ARMH1: variants seen among roughly 807,000 people sequenced by gnomAD.
ARMH1 encodes armadillo-like helical domain containing protein 1.
In ARMH1, 34 loss-of-function variants were observed where a neutral mutation model predicts 50.2. That is an observed-to-expected ratio of 0.68 (90% CI 0.51 to 0.90). ARMH1 has a LOEUF of 0.90. Among genes scored for constraint, ARMH1 ranks in the 40% least tolerant of loss-of-function variants. The probability of loss-of-function intolerance (pLI) is 0.00; values close to 1 mark genes in which losing one functional copy is unlikely to be tolerated. For synonymous variants in ARMH1, 221 were observed against 224.2 expected, an observed-to-expected ratio of 0.99 and a Z score of 0.13; for missense variants, 538 against 553.9, an observed-to-expected ratio of 0.97 and a Z score of 0.29.
chr1:44,676,076 G>A (rs1645130840), intron 1 of ARMH1, among the ~76,000 whole-genome samples: 1 of 152,194 alleles, frequency 6.6e-6, no homozygotes. Flanking sequence ...GCATGGAGTG[G>A]CAGCTGAAAT....
At chr1:44,707,328 C>T (rs142484492) in intron 6 of ARMH1, among the ~76,000 whole-genome samples, 89 of 152,292 alleles carry the variant, frequency 5.8e-4, no homozygotes, top group African/African-American at 2.1e-3. Context: ...CCTTTCTCCT[C>T]CAGACCTCTG....
chr1:44,696,459 T>G (rs1645832498), intron 2 of ARMH1, among the ~76,000 whole-genome samples: 1 of 152,260 alleles, frequency 6.6e-6, no homozygotes, highest in African/African-American at 2.4e-5. Flanking sequence ...CTGTTGTGGC[T>G]TGATTTCATA....
chr1:44,719,469 G>T (rs1221013560), intron 6 of ARMH1, among the ~76,000 whole-genome samples: 2 of 152,206 alleles, frequency 1.3e-5, no homozygotes, highest in Non-Finnish European at 2.9e-5. Context: ...GAGTGGAGAA[G>T]TCAGCTCCCC....
chr1:44,681,320 T>C lies in ARMH1; in HGVS notation c.-23+6447T>C, dbSNP rs535967155. On this transcript the variant is annotated intron_variant, in intron 1 of 11. Coordinates refer to ENST00000535358, the MANE Select transcript of ARMH1 (RefSeq NM_001145636.2). The surrounding 1 kb of genome is among the most constrained non-coding windows in gnomAD (Gnocchi z 4.3). ...GTGAGGCTCCATTTCTAAAAAATTT[T>C]TTTAAGTTAGCCAGGCATGGTGGTG... 6.6e-6 allele frequency among the ~76,000 whole-genome samples: 1 copy of C among 152,182 alleles called. No homozygotes were observed. The highest frequency in any genetic ancestry group is 1.5e-5 in the Non-Finnish European group (1 of 68,010).
intron 3 of ARMH1, 48 bp downstream of exon 3, chr1:44,697,218 G>A (rs775559647): frequency 5.9e-5 from 84 of 1,431,780 alleles, no homozygotes; most frequent in Non-Finnish European, 7.2e-5. Flanking sequence ...GGCATCTCAG[G>A]CTCATGATGT....
intron 2 of ARMH1, among the ~76,000 whole-genome samples, chr1:44,694,540 C>T (rs1645763575): frequency 7.2e-6 from 1 of 139,002 alleles, no homozygotes; most frequent in Admixed American, 7.6e-5. Flanking sequence ...GACAGAGTCT[C>T]ACTCTATTGC....
At chr1:44,695,870 A>C (rs939593981) in intron 2 of ARMH1, among the ~76,000 whole-genome samples, 6 of 151,764 alleles carry the variant, frequency 4.0e-5, no homozygotes, top group Admixed American at 3.9e-4. Context: ...GCTTGAGCCC[A>C]GGAGTTCAAG....
intron 6 of ARMH1, among the ~76,000 whole-genome samples, chr1:44,711,263 C>G (rs890007554): frequency 5.9e-5 from 9 of 152,102 alleles, no homozygotes; most frequent in Non-Finnish European, 1.3e-4. Flanking sequence ...GTTGAGGAAC[C>G]CACTAAACTG....
chr1:44,687,004 A>C (rs1228614235), intron 1 of ARMH1, among the ~76,000 whole-genome samples: 1 of 152,218 alleles, frequency 6.6e-6, no homozygotes, highest in Non-Finnish European at 1.5e-5. Context: ...CAGAATGATA[A>C]ATACATAAAT....
rs149200146 is a variant in ARMH1 at position 44,724,183 on chromosome 1, C to A, written c.786C>A (p.Leu262=). 27,568 of 1,551,668 alleles carry A rather than the reference C, an allele frequency of 0.018. 280 individuals are homozygous for A. Among genetic ancestry groups the A allele is most frequent in the Non-Finnish European group, 0.021 (23,874 of 1,146,936 alleles). ...YDVRQALLKG[L]VALLIPSVKE... is the part of the protein sequence containing the mutation. Reference sequence around the variant, plus strand: ...TGCGCCAGGCGCTGCTCAAGGGCCTCGTGGCGCTGCTGATACCGTCGGTCA... The same window carrying A: ...TGCGCCAGGCGCTGCTCAAGGGCCTAGTGGCGCTGCTGATACCGTCGGTCA... The change falls in exon 7 of 12, where the codon CTC becomes CTA. Residue 262 remains leucine, a synonymous_variant. Coordinates refer to ENST00000535358, the MANE Select transcript of ARMH1 (RefSeq NM_001145636.2). The surrounding 1 kb of genome is among the most constrained non-coding windows in gnomAD (Gnocchi z 6.4).
intron 6 of ARMH1, among the ~76,000 whole-genome samples, chr1:44,708,884 C>T (rs143207663): frequency 6.8e-4 from 103 of 152,236 alleles, no homozygotes; most frequent in African/African-American, 2.4e-3. Flanking sequence ...AAAGACTTCC[C>T]TTCTGTAGCT....
At chr1:44,700,483 GCA>G (rs1295851175) in intron 4 of ARMH1, among the ~76,000 whole-genome samples, 2 of 151,866 alleles carry the variant, frequency 1.3e-5, no homozygotes, top group African/African-American at 2.4e-5. Context: ...AGGCCTGGTG[GCA>G]CACACCTGTA....
chr1:44,718,009 C>T (rs1276842720), intron 6 of ARMH1, among the ~76,000 whole-genome samples: 1 of 152,204 alleles, frequency 6.6e-6, no homozygotes, highest in Non-Finnish European at 1.5e-5. Flanking sequence ...TTCTAAGTAG[C>T]TCCAAGTGTT....
Position 44,725,394 on chromosome 1 carries a change from A to G in ARMH1, c.1314A>G (p.Ser438=). The part of the protein sequence containing the change: ...YLTHFEEDVE[S]KE ...CACACTTCGAGGAGGATGTAGAATC[A>G]AAGGAGTAACAGCCCCTGTGGCAAA... Residue 438 remains serine (S), a synonymous_variant, in exon 12 of 12, where the codon TCA becomes TCG. Transcript: ENST00000535358. 6.4e-7 allele frequency: 1 copy of G among 1,551,802 alleles called. No homozygotes were observed. The highest frequency in any genetic ancestry group is 8.7e-7 in the Non-Finnish European group (1 of 1,147,014).
At chr1:44,684,844 CAT>C (rs960185251) in intron 1 of ARMH1, among the ~76,000 whole-genome samples, 29 of 152,162 alleles carry the variant, frequency 1.9e-4, no homozygotes, top group African/African-American at 6.8e-4. Flanking sequence ...AGGAATGAGA[CAT>C]AGAGTTGAAA....
chr1:44,689,271 C>T, intron 1 of ARMH1: 1 of 170,352 alleles, frequency 5.9e-6, no homozygotes, highest in Non-Finnish European at 1.3e-5. Flanking sequence ...CCATGTCAGC[C>T]AGGTTGGTCT....
In ARMH1 at chr1:44,698,094, G is replaced by A. The variant is rs1400215676; in HGVS notation, c.307G>A (p.Gly103Arg). ...NRYLIEFLEV[G>R]GVLTLLEILG... is the part of the protein sequence containing the mutation. ...GTACCTTATAGAATTTCTTGAGGTT[G>A]GAGGTGTCCTAACCCTCTTGGAAAT... The change falls in exon 4 of 12, where the codon GGA becomes AGA. Residue 103 changes from glycine to arginine, a missense_variant. By Grantham distance (125) the Gly-to-Arg change is moderately radical (BLOSUM62 -2). Transcript: ENST00000535358. 3.2e-6 allele frequency: 5 copies of A among 1,551,562 alleles called. No homozygotes were observed. The highest frequency in any genetic ancestry group is 4.4e-6 in the Non-Finnish European group (5 of 1,146,748).
chr1:44,686,342 A>G (rs1292183868), intron 1 of ARMH1, among the ~76,000 whole-genome samples: 1 of 152,228 alleles, frequency 6.6e-6, no homozygotes, highest in Non-Finnish European at 1.5e-5. Context: ...AAAAAAATGT[A>G]ATAGTAGTTT....
chr1:44,681,765 T>C lies in ARMH1; in HGVS notation c.-23+6892T>C, dbSNP rs1158421265. On this transcript the variant is annotated intron_variant, in intron 1 of 11. Coordinates refer to ENST00000535358, the MANE Select transcript of ARMH1 (RefSeq NM_001145636.2). The surrounding 1 kb of genome is among the most constrained non-coding windows in gnomAD (Gnocchi z 4.3). Reference sequence around the variant, plus strand: ...AACCCAAAAGTAGGCCTTCTGAGAATAGATGGAAGAGGTGGGAAGGTAAGG... The same window carrying C: ...AACCCAAAAGTAGGCCTTCTGAGAACAGATGGAAGAGGTGGGAAGGTAAGG... Among the ~76,000 whole-genome samples the C allele has an allele frequency of 6.6e-6, 1 of 152,118 alleles. No homozygotes were observed. The highest frequency in any genetic ancestry group is 2.4e-5 in the African/African-American group (1 of 41,426).
Sources: gnomAD v4.1 joint callset for allele counts (sites outside exome capture counted in the v4.1 genomes callset) on GRCh38, gnomAD v4.1.1 for gene constraint, Gnocchi (gnomAD v3.1) non-coding constraint, MANE v1.5 for transcripts, NCBI Gene and HGNC (gene_info 2026-07-23, HGNC 2026-07-21) for gene names.